Variants in GAS6 observed in about 807,000 individuals in gnomAD.
The protein encoded by GAS6 is growth arrest specific 6, also known as growth arrest-specific protein 6.
In GAS6, 41 loss-of-function variants were observed where a neutral mutation model predicts 75.8. That is an observed-to-expected ratio of 0.54 (90% CI 0.42 to 0.70). GAS6 has a LOEUF of 0.70. Ranked by LOEUF, GAS6 falls within the 30% of genes least tolerant of loss-of-function variation. The pLI, the probability that GAS6 is intolerant of heterozygous loss-of-function variation, is 0.00. For missense variants in GAS6, 854 were observed against 940.2 expected, an observed-to-expected ratio of 0.91 and a Z score of 1.20; for synonymous variants, 432 against 412.6, an observed-to-expected ratio of 1.05 and a Z score of -0.57.
chr13:113,848,154 GCCAGAGGGCCGCCCCACC>G lies in GAS6; in HGVS notation c.256-122_256-105del, dbSNP rs1196250600. Reference sequence around the variant, plus strand: ...TTAATCAGAGGCTGCTCTCGGGGCAGCCAGAGGGCCGCCCCACCCGGGGAACTGAGGGGAAGTGACCGG... The same window carrying G: ...TTAATCAGAGGCTGCTCTCGGGGCAGCGGGGAACTGAGGGGAAGTGACCGG... On this transcript the variant is annotated intron_variant, in intron 2 of 14. Coordinates refer to ENST00000327773, the MANE Select transcript of GAS6 (RefSeq NM_000820.4). This position sits in a 1 kb window ranked among gnomAD's most constrained non-coding sequence, Gnocchi z 4.8. The G allele has an allele frequency of 9.4e-5, 117 of 1,243,196 alleles. 1 individual carries two copies. Among genetic ancestry groups the G allele is most frequent in the Non-Finnish European group, 1.3e-4 (112 of 871,502 alleles). 77.0% of individuals were successfully genotyped at this position (1,243,196 alleles called of 1,614,324 possible).
Position 113,832,660 on chromosome 13 carries a change from C to T in GAS6, c.927G>A (p.Leu309=). ...TGGTGGGCTGCAGCCTCTTGAAGCG[C>T]AGTCGGATCACGGGGGTCCCACTGA... The part of the protein sequence containing the change: ...RMFSGTPVIR[L]RFKRLQPTRL... The change falls in exon 9 of 15, where the codon CTG becomes CTA. Residue 309 remains leucine, a synonymous_variant. Coordinates refer to ENST00000327773, the MANE Select transcript of GAS6 (RefSeq NM_000820.4). 1 of 1,612,790 alleles carries T rather than the reference C, an allele frequency of 6.2e-7. No homozygotes were observed. The highest frequency in any genetic ancestry group is 8.5e-7 in the Non-Finnish European group (1 of 1,179,964).
intron 8 of GAS6, chr13:113,833,170 G>A (rs996769562): frequency 1.8e-6 from 2 of 1,140,982 alleles, no homozygotes; most frequent in Non-Finnish European, 2.2e-6. Flanking sequence ...CTGCCCGAAG[G>A]GGGACAGAAC....
chr13:113,837,485 A>C lies in GAS6; in HGVS notation c.589+584T>G, dbSNP rs2138641836. Among the ~76,000 whole-genome samples the C allele has an allele frequency of 6.6e-6, 1 of 152,212 alleles. No individual in the cohort carries two copies. Among genetic ancestry groups the C allele is most frequent in the African/African-American group, 2.4e-5 (1 of 41,528 alleles). ...GAGGAGGAAGGTGCTCCCCCTGCAAAGTGGCAAAGGGCCAGTGGCAGCAGC... is the reference window on the plus strand; with the variant it reads ...GAGGAGGAAGGTGCTCCCCCTGCAACGTGGCAAAGGGCCAGTGGCAGCAGC... On this transcript the variant is annotated intron_variant, in intron 6 of 14. Coordinates refer to ENST00000327773, the MANE Select transcript of GAS6 (RefSeq NM_000820.4). The surrounding 1 kb of genome is among the most constrained non-coding windows in gnomAD (Gnocchi z 5.1).
At chr13:113,849,007 C>T (rs7400614) in intron 2 of GAS6, among the ~76,000 whole-genome samples, 1 of 151,968 alleles carries the variant, frequency 6.6e-6, no homozygotes, top group Non-Finnish European at 1.5e-5. Context: ...TGGCTTCATG[C>T]GCTGGCTCTG....
At chr13:113,849,879 G>A (rs1393396447) in intron 2 of GAS6, among the ~76,000 whole-genome samples, 3 of 152,134 alleles carry the variant, frequency 2.0e-5, no homozygotes, top group South Asian at 2.1e-4. Context: ...TAATTCCACC[G>A]GCAAACTAGG....
chr13:113,823,294 C>A (rs2138611081), intron 13 of GAS6, 81 bp downstream of exon 13: 1 of 1,445,398 alleles, frequency 6.9e-7, no homozygotes, highest in Non-Finnish European at 9.3e-7. Flanking sequence ...CCGCGGGCCC[C>A]CTTCGTCCCC....
At chr13:113,836,157 C>A (rs1406212925) in intron 6 of GAS6, 1 of 626,820 alleles carries the variant, frequency 1.6e-6, no homozygotes, top group African/African-American at 2.9e-5. Flanking sequence ...AATGAAGAGC[C>A]CTTTAGTCAC....
intron 2 of GAS6, among the ~76,000 whole-genome samples, chr13:113,850,765 CA>C (rs1263298576): frequency 2.0e-4 from 30 of 152,062 alleles, no homozygotes; most frequent in African/African-American, 6.8e-4. Context: ...CAGATGGATG[CA>C]TGAATGAGTG....
At chr13:113,833,587 T>C (rs905791845) in intron 8 of GAS6, 1 of 1,020,538 alleles carries the variant, frequency 9.8e-7, no homozygotes, top group Non-Finnish European at 1.2e-6. Context: ...CAGGTCAGTG[T>C]GACAGGTCGG....
chr13:113,849,100 C>T (rs1004255455), intron 2 of GAS6, among the ~76,000 whole-genome samples: 5 of 152,216 alleles, frequency 3.3e-5, no homozygotes, highest in East Asian at 1.9e-4. Context: ...CTGGAGGCCC[C>T]GCCCCAGCCT....
chr13:113,843,043 A>C (rs1158657671), intron 4 of GAS6: 1 of 392,046 alleles, frequency 2.6e-6, no homozygotes, highest in Non-Finnish European at 4.5e-6. Flanking sequence ...ACCACACCTG[A>C]GGGGTGGACA....
Position 113,863,166 on chromosome 13 carries a change from T to C in GAS6, c.255+409A>G, listed in dbSNP as rs902306121. Among the ~76,000 whole-genome samples, 2 of 152,008 alleles carry C rather than the reference T, an allele frequency of 1.3e-5. No individual in the cohort carries two copies. The highest frequency in any genetic ancestry group is 4.8e-5 in the African/African-American group (2 of 41,424). Reference sequence around the variant, plus strand: ...CAGTTCCCGCCCTCGGCCCTTTCAATTCCTCTTTCGGGAGGGGACTGCTCT... The same window carrying C: ...CAGTTCCCGCCCTCGGCCCTTTCAACTCCTCTTTCGGGAGGGGACTGCTCT... On this transcript the variant is annotated intron_variant, in intron 2 of 14. Transcript: ENST00000327773. The surrounding 1 kb of genome is among the most constrained non-coding windows in gnomAD (Gnocchi z 9.4).
intron 6 of GAS6, among the ~76,000 whole-genome samples, chr13:113,836,660 G>A (rs1477477961): frequency 2.2e-3 from 2 of 928 alleles, no homozygotes; most frequent in African/African-American, 0.015. Flanking sequence ...GATGGGGGAG[G>A]AGGAGGGGGA....
intron 2 of GAS6, among the ~76,000 whole-genome samples, chr13:113,857,045 T>C (rs543988391): frequency 3.5e-4 from 54 of 152,320 alleles, no homozygotes; most frequent in African/African-American, 1.3e-3. Context: ...GTGTTTTCCA[T>C]GGAGCCCCAA....
intron 10 of GAS6, 122 bp downstream of exon 10, chr13:113,832,177 C>T (rs901341650): frequency 2.4e-5 from 28 of 1,155,290 alleles, no homozygotes; most frequent in South Asian, 6.0e-5. Context: ...CCCGTCCTGC[C>T]GGCACGCAGC....
chr13:113,836,807 A>G, intron 6 of GAS6, among the ~76,000 whole-genome samples: 1 of 107,214 alleles, frequency 9.3e-6, no homozygotes. Context: ...AGGAGGAGGA[A>G]GATGAGGAGG....
intron 6 of GAS6, chr13:113,836,165 C>CTCCTCT: frequency 3.6e-6 from 2 of 561,116 alleles, no homozygotes; most frequent in Non-Finnish European, 4.2e-6. Flanking sequence ...GCCCTTTAGT[C>CTCCTCT]ACCAGAGGAG....
rs923136663 is a variant in GAS6 at position 113,835,694 on chromosome 13, G to C, written c.590-59C>G. On this transcript the variant is annotated intron_variant, in intron 6 of 14. Coordinates refer to ENST00000327773, the MANE Select transcript of GAS6 (RefSeq NM_000820.4). Reference sequence around the variant, plus strand: ...CAGCGGCATCTCAGACGGGGCTGGGGCAGGCGGCTGCAGGGACTGGCCAGG... The same window carrying C: ...CAGCGGCATCTCAGACGGGGCTGGGCCAGGCGGCTGCAGGGACTGGCCAGG... 1.9e-6 allele frequency: 3 copies of C among 1,581,160 alleles called. No individual in the cohort carries two copies. In the African/African-American group the frequency reaches 4.0e-5, roughly 21 times the overall value.
rs201938938 is a variant in GAS6 at position 113,823,432 on chromosome 13, G to A, written c.1596C>T (p.Ala532=). ...CTACCAGTGCCACAGAGAGAGGCAC[G>A]GCACGGAGGTCGGGGGCCCAGAGCG... ...LFALWAPDLR[A]VPLSVALVDY... is the part of the protein sequence containing the mutation. Residue 532 remains alanine, a synonymous_variant, in exon 13 of 15, where the codon GCC becomes GCT. Transcript: ENST00000327773. The A allele has an allele frequency of 1.7e-5, 28 of 1,612,772 alleles. No individual in the cohort carries two copies. In the East Asian group the frequency reaches 2.0e-4, roughly 12 times the overall value.
Sources: allele counts gnomAD v4.1 joint callset (sites outside exome capture counted in the v4.1 genomes callset), GRCh38; gene constraint gnomAD v4.1.1; non-coding constraint Gnocchi (gnomAD v3.1); transcripts MANE v1.5; gene names NCBI Gene and HGNC (gene_info 2026-07-23, HGNC 2026-07-21).